Variants in LITAF observed in about 807,000 individuals in gnomAD.
LITAF encodes lipopolysaccharide-induced tumor necrosis factor-alpha factor.
LITAF carries 9 observed loss-of-function variants against 14.5 expected under a neutral mutation model. The observed-to-expected ratio is 0.62, with a 90% CI of 0.37 to 1.08. The LOEUF (loss-of-function observed/expected upper bound fraction) is 1.08, where lower values mean the gene tolerates loss of function less well. Among genes scored for constraint, LITAF ranks in the 50% least tolerant of loss-of-function variants. The probability of loss-of-function intolerance (pLI) is 0.01; values close to 1 mark genes in which losing one functional copy is unlikely to be tolerated. For synonymous variants in LITAF, 98 were observed against 88.2 expected, an observed-to-expected ratio of 1.11 and a Z score of -0.62; for missense variants, 206 against 213.4, an observed-to-expected ratio of 0.97 and a Z score of 0.22.
rs1293108482 is a variant in LITAF at position 11,632,703 on chromosome 16, G to A, written c.85+830C>T. The stretch of plus-strand genomic sequence containing the variant: ...CAGATGCCACCCAGGCCCTTCTTTC[G>A]GTTCTGCAAATGCCACTGGCTCTGC... On this transcript the variant is annotated intron_variant, in intron 3 of 3. Transcript: ENST00000574848. This position sits in a 1 kb window ranked among gnomAD's most constrained non-coding sequence, Gnocchi z 4.8. Among the ~76,000 whole-genome samples, 4 of 152,172 alleles carry A rather than the reference G, an allele frequency of 2.6e-5. No individual in the cohort carries two copies. Among genetic ancestry groups the A allele is most frequent in the Non-Finnish European group, 4.4e-5 (3 of 68,036 alleles).
intron 1 of LITAF, among the ~76,000 whole-genome samples, chr16:11,597,815 G>A (rs2064899975): frequency 6.6e-6 from 1 of 152,156 alleles, no homozygotes; most frequent in East Asian, 1.9e-4. Context: ...CTCCAGCCCC[G>A]TCATTTTATA....
intron 1 of LITAF, among the ~76,000 whole-genome samples, chr16:11,582,218 T>C (rs1481099971): frequency 6.6e-6 from 1 of 151,966 alleles, no homozygotes; most frequent in Non-Finnish European, 1.5e-5. Context: ...TGTATGATTA[T>C]TATGTGTCAA....
At chr16:11,587,418 C>G, upstream of LITAF, 2 of 454,040 alleles carry the variant, frequency 4.4e-6, no homozygotes, top group South Asian at 3.1e-5. Flanking sequence ...CAGACGCGTC[C>G]GGACAGACCA....
chr16:11,639,199 G>A (rs1486734242), upstream of LITAF, among the ~76,000 whole-genome samples: 1 of 151,876 alleles, frequency 6.6e-6, no homozygotes, highest in African/African-American at 2.4e-5. Context: ...ATGTATGGAT[G>A]GGTAGATGGA....
chr16:11,553,752 C>T lies in LITAF; in HGVS notation c.221-63G>A, dbSNP rs774136320. ...GAAACAAGGCCAATAGCATTCACTA[C>T]AGGACAAAGAGAGGAACGCAGGGAT... On this transcript the variant is annotated intron_variant, in intron 2 of 3. Coordinates refer to ENST00000622633, the MANE Select transcript of LITAF (RefSeq NM_001136472.2). The surrounding 1 kb of genome is among the most constrained non-coding windows in gnomAD (Gnocchi z 7.7). 1.3e-5 allele frequency: 20 copies of T among 1,580,772 alleles called. No individual in the cohort carries two copies. Among genetic ancestry groups the T allele is most frequent in the East Asian group, 4.5e-5 (2 of 44,712 alleles).
chr16:11,550,555 T>C (rs2064167416), intron 3 of LITAF, among the ~76,000 whole-genome samples: 1 of 152,244 alleles, frequency 6.6e-6, no homozygotes, highest in African/African-American at 2.4e-5. Context: ...TTGAGTATTA[T>C]TTTCAAATCT....
At chr16:11,621,146 C>G (rs1301624542) in intron 3 of LITAF, among the ~76,000 whole-genome samples, 1 of 152,106 alleles carries the variant, frequency 6.6e-6, no homozygotes, top group African/African-American at 2.4e-5. Context: ...CTCACCGCAA[C>G]CTCCGCCTCC....
intron 1 of LITAF, among the ~76,000 whole-genome samples, chr16:11,576,534 CAAAAAAAAAA>C (rs66551972): frequency 6.4e-5 from 4 of 62,968 alleles, no homozygotes; most frequent in Middle Eastern, 0.012. Context: ...TTACAATCTG[CAAAAAAAAAA>C]AAAAAAAAAA....
chr16:11,556,322 C>A (rs368681485), intron 2 of LITAF, 189 bp downstream of exon 2: 25 of 601,650 alleles, frequency 4.2e-5, no homozygotes, highest in Non-Finnish European at 7.2e-5. Flanking sequence ...TACTTTATTA[C>A]GGAAAAGCTG....
chr16:11,572,616 C>A (rs758474727), intron 1 of LITAF, among the ~76,000 whole-genome samples: 1 of 152,198 alleles, frequency 6.6e-6, no homozygotes, highest in African/African-American at 2.4e-5. Flanking sequence ...CATGAGAAAA[C>A]CGGCCACAGG....
At chr16:11,623,769 C>G (rs2065066107) in intron 3 of LITAF, among the ~76,000 whole-genome samples, 1 of 152,018 alleles carries the variant, frequency 6.6e-6, no homozygotes, top group African/African-American at 2.4e-5. Context: ...GAGTTCGAGA[C>G]CAGCCTGGCC....
rs192766322 is a variant in LITAF at position 11,548,733 on chromosome 16, C to T, written c.*904G>A. 171 of 453,472 alleles carry T rather than the reference C, an allele frequency of 3.8e-4. 2 individuals carry two copies. The East Asian group carries it at 0.011, about 30-fold the overall frequency. The allele number at this position is 453,472 out of a possible 1,614,324, so 28.1% of individuals were successfully genotyped here. A position where few individuals can be genotyped will look rare whatever the true frequency, so the allele number is the denominator to read the frequency against. On this transcript the variant is annotated 3_prime_UTR_variant, in exon 4 of 4. Transcript: ENST00000622633. ...GCTTATGCCTGCAATCCCAGCACTT[C>T]GGGAGGCCAAGGCAGAAGGATCGCT...
intron 3 of LITAF, among the ~76,000 whole-genome samples, chr16:11,616,375 G>A (rs1310299109): frequency 6.6e-6 from 1 of 151,998 alleles, no homozygotes; most frequent in African/African-American, 2.4e-5. Flanking sequence ...TACTCAGAAG[G>A]CTGAGGTGGG....
chr16:11,636,844 C>G (rs2065140231), upstream of LITAF, among the ~76,000 whole-genome samples: 1 of 151,810 alleles, frequency 6.6e-6, no homozygotes, highest in Non-Finnish European at 1.5e-5. Context: ...ACTCTGTTGC[C>G]CTTACTATCT....
intron 3 of LITAF, among the ~76,000 whole-genome samples, chr16:11,613,060 G>C (rs1394702939): frequency 6.6e-6 from 1 of 152,048 alleles, no homozygotes; most frequent in Non-Finnish European, 1.5e-5. Flanking sequence ...GTTTGTTTTA[G>C]ATGGAGTTTC....
At chr16:11,598,287 CTTT>C (rs35125387) in intron 1 of LITAF, 6 of 139,772 alleles carry the variant, frequency 4.3e-5, no homozygotes, top group Admixed American at 7.1e-5. Flanking sequence ...GGGCCTGAGC[CTTT>C]TTTTTTTTTT....
At chr16:11,623,855 T>A (rs905171055) in intron 3 of LITAF, among the ~76,000 whole-genome samples, 1 of 151,626 alleles carries the variant, frequency 6.6e-6, no homozygotes, top group Non-Finnish European at 1.5e-5. Flanking sequence ...TAATCCCAGC[T>A]ACTTGGGAGG....
At chr16:11,588,367 G>A (rs574423519), upstream of LITAF, among the ~76,000 whole-genome samples, 18 of 151,874 alleles carry the variant, frequency 1.2e-4, no homozygotes, top group Non-Finnish European at 1.3e-4. Flanking sequence ...ATAATAAAGC[G>A]GTGGAGTGGT....
chr16:11,594,188 A>C (rs1478950803), intron 1 of LITAF, among the ~76,000 whole-genome samples: 3 of 52,298 alleles, frequency 5.7e-5, no homozygotes, highest in Non-Finnish European at 1.0e-4. Flanking sequence ...CCTGTCTCGA[A>C]AAAAAAAAAA....
Sources: gnomAD v4.1 joint callset for allele counts (sites outside exome capture counted in the v4.1 genomes callset) on GRCh38, gnomAD v4.1.1 for gene constraint, Gnocchi (gnomAD v3.1) non-coding constraint, MANE v1.5 for transcripts, NCBI Gene and HGNC (gene_info 2026-07-23, HGNC 2026-07-21) for gene names.